The following CFAP74 variants were observed in gnomAD, a reference collection of about 807,000 sequenced individuals.
CFAP74 encodes the protein cilia- and flagella-associated protein 74.
Under a neutral mutation model 188.9 loss-of-function variants are expected in CFAP74, and 124 were observed. The observed-to-expected ratio is 0.66, with a 90% CI of 0.57 to 0.76. The LOEUF (loss-of-function observed/expected upper bound fraction) is 0.76. CFAP74 is among the 30% of genes least tolerant of loss of function. The pLI is 0.00. For missense variants in CFAP74, 2,198 were observed against 2,165.2 expected (o/e 1.02, Z -0.30); for synonymous variants, 956 against 916.7 (o/e 1.04, Z -0.77).
At chr1:1,943,034 T>G (rs1159833773) in intron 21 of CFAP74, among the ~76,000 whole-genome samples, 2 of 152,216 alleles carry the variant, frequency 1.3e-5, no homozygotes, top group African/African-American at 4.8e-5. Context: ...CTGGGCCCCA[T>G]GGGAGGCGGG....
At chr1:1,961,549 G>T (rs115402077) in intron 14 of CFAP74, among the ~76,000 whole-genome samples, 5,034 of 152,208 alleles carry the variant, frequency 0.033, 276 homozygotes, top group African/African-American at 0.11. Context: ...GGAATGCCTC[G>T]GTGGCTGAGA....
chr1:1,923,756 T>A lies in CFAP74; in HGVS notation c.4389+19A>T. The A allele has an allele frequency of 6.2e-7, 1 of 1,613,010 alleles. No individual in the cohort carries two copies. Among genetic ancestry groups the A allele is most frequent in the Non-Finnish European group, 8.5e-7 (1 of 1,179,794 alleles). On this transcript the variant is annotated intron_variant, in intron 35 of 38. Transcript: ENST00000682832. The surrounding 1 kb of genome is among the most constrained non-coding windows in gnomAD (Gnocchi z 6.3). ...GGCCAGGGCCGGGCCGGGCTGAGCT[T>A]GCAGAGCCAGAGCCGCACCTTTTCA...
At chr1:1,932,254 A>T (rs1416707156) in intron 25 of CFAP74, among the ~76,000 whole-genome samples, 1 of 146,316 alleles carries the variant, frequency 6.8e-6, no homozygotes, top group Non-Finnish European at 1.5e-5. Context: ...AAAATTAGCC[A>T]GGCGTGGTGG....
In CFAP74 at chr1:1,923,716, CA is replaced by C. The variant is rs1651580469; in HGVS notation, c.4389+58del. On this transcript the variant is annotated intron_variant, in intron 35 of 38. Coordinates refer to ENST00000682832, the MANE Select transcript of CFAP74 (RefSeq NM_001304360.2). This position sits in a 1 kb window ranked among gnomAD's most constrained non-coding sequence, Gnocchi z 6.3. The stretch of plus-strand genomic sequence containing the variant: ...CAAAGTGGAGCAGTGCAGCCAAAGG[CA>C]AGGCCCTGCGTGGGGCCAGGGCCGG... 1.1e-5 allele frequency: 18 copies of C among 1,609,854 alleles called. No homozygotes were observed. The South Asian group carries it at 2.0e-4, about 18-fold the overall frequency.
chr1:1,926,887 C>T lies in CFAP74; in HGVS notation c.3662+7G>A. ...CCACACCCTGTTCTGGCCAGAGCAC[C>T]CCGCACCTGAAGCTCAGGGGTTCTG... On this transcript the variant is annotated splice_region_variant and intron_variant, in intron 29 of 38. Transcript: ENST00000682832. 1 of 1,549,954 alleles carries T rather than the reference C, an allele frequency of 6.5e-7. No individual in the cohort carries two copies. The highest frequency in any genetic ancestry group is 1.4e-5 in the African/African-American group (1 of 73,150).
rs1570930904 is a variant in CFAP74 at position 1,965,195 on chromosome 1, G to T, written c.1402-134C>A. 9 of 842,366 alleles carry T rather than the reference G, an allele frequency of 1.1e-5. No homozygotes were observed. The East Asian group carries it at 2.2e-4, about 21-fold the overall frequency. The allele number at this position is 842,366 out of a possible 1,614,324, so 52.2% of individuals were successfully genotyped here. Reference sequence around the variant, plus strand: ...CCCACCGGCTGCCACCAGCGCTGGAGCTGGGAAGAGCCCCATGGCCCGGGG... The same window carrying T: ...CCCACCGGCTGCCACCAGCGCTGGATCTGGGAAGAGCCCCATGGCCCGGGG... On this transcript the variant is annotated intron_variant, in intron 12 of 38. Transcript: ENST00000682832.
intron 13 of CFAP74, among the ~76,000 whole-genome samples, chr1:1,964,119 G>A (rs571112297): frequency 6.6e-6 from 1 of 152,348 alleles, no homozygotes; most frequent in Admixed American, 6.5e-5. Context: ...GCTGGGGCCC[G>A]CAGGTGGGAG....
At chr1:1,929,944 CT>C (rs1652229875) in intron 26 of CFAP74, 115 bp downstream of exon 26, 6 of 1,210,674 alleles carry the variant, frequency 5.0e-6, no homozygotes, top group Non-Finnish European at 5.6e-6. Context: ...ACTCCCGCCC[CT>C]GTTCTCCGGG....
chr1:1,942,222 T>A lies in CFAP74; in HGVS notation c.2487-66A>T. 7.3e-7 allele frequency: 1 copy of A among 1,367,820 alleles called. No homozygotes were observed. The highest frequency in any genetic ancestry group is 9.5e-7 in the Non-Finnish European group (1 of 1,057,716). 84.7% of individuals were successfully genotyped at this position (1,367,820 alleles called of 1,614,324 possible). ...CGTGATTCTGTGTGCGCTCAATGCC[T>A]GGAGTTATTAAAACATTTCTGGCAC... On this transcript the variant is annotated intron_variant, in intron 21 of 38. Transcript: ENST00000682832. This position sits in a 1 kb window ranked among gnomAD's most constrained non-coding sequence, Gnocchi z 4.3.
chr1:1,931,634 G>A (rs1454605823), intron 25 of CFAP74, among the ~76,000 whole-genome samples: 2 of 150,134 alleles, frequency 1.3e-5, no homozygotes, highest in African/African-American at 4.9e-5. Context: ...CTATTTGGGA[G>A]GCTGAGGCAG....
Position 1,946,815 on chromosome 1 carries a change from A to G in CFAP74, c.2241+175T>C, listed in dbSNP as rs1007633933. On this transcript the variant is annotated intron_variant, in intron 19 of 38. Coordinates refer to ENST00000682832, the MANE Select transcript of CFAP74 (RefSeq NM_001304360.2). ...AGGCGGTGGCCCCATGCCAGCTGAG[A>G]TTACAAGAGGCCTGGAGGCTGCAAG... Among the ~76,000 whole-genome samples, 224 of 152,304 alleles carry G rather than the reference A, an allele frequency of 1.5e-3. 1 individual carries two copies. Among genetic ancestry groups the G allele is most frequent in the African/African-American group, 5.0e-3 (208 of 41,562 alleles).
rs914836436 is a variant in CFAP74 at position 1,958,968 on chromosome 1, G to A, written c.1851+152C>T. 1.6e-5 allele frequency: 10 copies of A among 615,736 alleles called. No homozygotes were observed. In the South Asian group the frequency reaches 1.7e-4, roughly 11 times the overall value. 38.1% of individuals were successfully genotyped at this position (615,736 alleles called of 1,614,324 possible). On this transcript the variant is annotated intron_variant, in intron 16 of 38. Coordinates refer to ENST00000682832, the MANE Select transcript of CFAP74 (RefSeq NM_001304360.2). ...TCGGCTCAGGCCCACCTGAGCTGCTGTTGGAAGAAGGGGCTCAGCCCCTGG... is the reference window on the plus strand; with the variant it reads ...TCGGCTCAGGCCCACCTGAGCTGCTATTGGAAGAAGGGGCTCAGCCCCTGG...
intron 20 of CFAP74, among the ~76,000 whole-genome samples, chr1:1,944,768 G>A (rs1383314842): frequency 6.6e-6 from 1 of 152,106 alleles, no homozygotes; most frequent in African/African-American, 2.4e-5. Flanking sequence ...CACCATGCCA[G>A]GCTAATTTTT....
chr1:1,927,554 C>T lies in CFAP74; in HGVS notation c.3527+53G>A, dbSNP rs1652005899. 25 of 1,510,608 alleles carry T rather than the reference C, an allele frequency of 1.7e-5. No homozygotes were observed. In the South Asian group the frequency reaches 3.0e-4, roughly 18 times the overall value. The allele number at this position is 1,510,608 out of a possible 1,614,324, so 93.6% of individuals were successfully genotyped here. A position where few individuals can be genotyped will look rare whatever the true frequency, so the allele number is the denominator to read the frequency against. ...GGACTCTACAGGGGCCACAGTGGGT[C>T]CCACCAGAGGGGCCTGGAGGGAAGC... is the stretch of plus-strand genomic sequence containing the variant. On this transcript the variant is annotated intron_variant, in intron 28 of 38. Coordinates refer to ENST00000682832, the MANE Select transcript of CFAP74 (RefSeq NM_001304360.2).
At chr1:1,989,054 CT>C (rs1558063499) in intron 2 of CFAP74, 81 bp from the exon 3 acceptor site, 7 of 716,154 alleles carry the variant, frequency 9.8e-6, no homozygotes, top group African/African-American at 1.8e-5. Flanking sequence ...AAATCTTTTT[CT>C]TTTTTTGGGA....
chr1:1,989,015 T>G, intron 2 of CFAP74, 42 bp from the exon 3 acceptor site: 1 of 994,878 alleles, frequency 1.0e-6, no homozygotes, highest in South Asian at 1.3e-5. Flanking sequence ...AAAAAGCAGA[T>G]CAAACATTTG....
chr1:1,933,626 G>A (rs1570840113), intron 25 of CFAP74, among the ~76,000 whole-genome samples: 1 of 152,192 alleles, frequency 6.6e-6, no homozygotes, highest in Admixed American at 6.5e-5. Context: ...AGGGTCTGTG[G>A]TGATGTTCCC....
At position 1,972,423 on chromosome 1, in the gene CFAP74, G is replaced by A. The variant is rs552466389; in HGVS notation, c.786-341C>T. Among the ~76,000 whole-genome samples the A allele has an allele frequency of 1.1e-3, 170 of 152,124 alleles. 2 individuals are homozygous for A. Among genetic ancestry groups the A allele is most frequent in the South Asian group, 3.9e-3 (19 of 4,832 alleles). On this transcript the variant is annotated intron_variant, in intron 8 of 38. Transcript: ENST00000682832. ...CGACATGGTGGGAACATGCCCTGGAGGGCCAGGCCACGAGGACATGGCGGG... is the reference window on the plus strand; with the variant it reads ...CGACATGGTGGGAACATGCCCTGGAAGGCCAGGCCACGAGGACATGGCGGG...
At chr1:1,938,054 ACT>A (rs35385292) in intron 25 of CFAP74, among the ~76,000 whole-genome samples, 81,531 of 149,240 alleles carry the variant, frequency 0.55, 22,436 homozygotes, top group East Asian at 0.65. Context: ...ATGCACTCAC[ACT>A]CAACCTTACA....
Sources: gnomAD v4.1 joint callset for allele counts (sites outside exome capture counted in the v4.1 genomes callset) on GRCh38, gnomAD v4.1.1 for gene constraint, Gnocchi (gnomAD v3.1) non-coding constraint, MANE v1.5 for transcripts, NCBI Gene and HGNC (gene_info 2026-07-23, HGNC 2026-07-21) for gene names.